The following KCNN2 variants were observed in gnomAD, a reference collection of about 807,000 sequenced individuals.
KCNN2 encodes potassium calcium-activated channel subfamily N member 2.
A neutral mutation model predicts 55.5 loss-of-function variants in KCNN2; 24 were observed. The ratio of observed to expected loss-of-function variants is 0.43; its 90% CI spans 0.31 to 0.61. The LOEUF is 0.61. Ranked by LOEUF, KCNN2 falls within the 20% of genes least tolerant of loss-of-function variation. The pLI is 0.08. For missense variants in KCNN2, 754 were observed against 853.6 expected, an observed-to-expected ratio of 0.88 and a Z score of 1.45; for synonymous variants, 431 against 336.1, an observed-to-expected ratio of 1.28 and a Z score of -3.09.
chr5:114,143,579 C>A (rs1444599611), intron 1 of KCNN2, among the ~76,000 whole-genome samples: 2 of 152,160 alleles, frequency 1.3e-5, no homozygotes, highest in East Asian at 3.9e-4. Flanking sequence ...ACAAGGGTCG[C>A]ATTCCATACC....
chr5:114,429,277 A>G (rs928626622), intron 3 of KCNN2, among the ~76,000 whole-genome samples: 9 of 152,106 alleles, frequency 5.9e-5, no homozygotes, highest in African/African-American at 2.2e-4. Flanking sequence ...ATACAATGAG[A>G]TACCACTATG....
At chr5:114,219,789 C>T (rs941246684) in intron 1 of KCNN2, among the ~76,000 whole-genome samples, 4 of 152,112 alleles carry the variant, frequency 2.6e-5, no homozygotes, top group African/African-American at 9.7e-5. Flanking sequence ...TTGTCCCTAT[C>T]ACCTTCCTAT....
chr5:114,278,012 G>C (rs1755528573), intron 2 of KCNN2, among the ~76,000 whole-genome samples: 2 of 152,196 alleles, frequency 1.3e-5, no homozygotes, highest in African/African-American at 2.4e-5. Context: ...GTGACCTATG[G>C]ATGGGCTTTT....
chr5:114,415,936 T>TAC (rs1413129037), intron 3 of KCNN2, among the ~76,000 whole-genome samples: 5 of 152,116 alleles, frequency 3.3e-5, no homozygotes, highest in African/African-American at 1.2e-4. Context: ...AAAAGCCAGC[T>TAC]ACACACACAC....
At chr5:114,178,741 A>G (rs1753183327) in intron 1 of KCNN2, among the ~76,000 whole-genome samples, 1 of 152,192 alleles carries the variant, frequency 6.6e-6, no homozygotes. Context: ...ATCTCACTCT[A>G]AAATTAAGGT....
intron 2 of KCNN2, among the ~76,000 whole-genome samples, chr5:114,319,237 A>T (rs912398952): frequency 6.6e-6 from 1 of 152,120 alleles, no homozygotes; most frequent in Non-Finnish European, 1.5e-5. Context: ...TTATCTGCAC[A>T]CTGAGGTTCT....
chr5:114,182,743 T>G (rs1753263832), intron 1 of KCNN2, among the ~76,000 whole-genome samples: 1 of 152,138 alleles, frequency 6.6e-6, no homozygotes, highest in African/African-American at 2.4e-5. Flanking sequence ...ATTTGCTAAA[T>G]TCATCAATTG....
At chr5:114,307,513 A>T (rs1756308546) in intron 2 of KCNN2, among the ~76,000 whole-genome samples, 1 of 152,118 alleles carries the variant, frequency 6.6e-6, no homozygotes, top group Non-Finnish European at 1.5e-5. Context: ...CTAGAATCAT[A>T]GCCTCATTGA....
intron 2 of KCNN2, among the ~76,000 whole-genome samples, chr5:114,282,269 T>C (rs1580690913): frequency 6.6e-6 from 1 of 152,124 alleles, no homozygotes; most frequent in Admixed American, 6.5e-5. Flanking sequence ...ATTTTTACTT[T>C]GGTTGAATTA....
chr5:114,197,316 G>A (rs1753577976), intron 1 of KCNN2, among the ~76,000 whole-genome samples: 1 of 152,108 alleles, frequency 6.6e-6, no homozygotes, highest in Non-Finnish European at 1.5e-5. Context: ...TTAATGGGAT[G>A]TTCTAGACAT....
chr5:114,363,285 C>T (rs765335464), intron 1 of KCNN2, 24 bp downstream of exon 1: 5 of 1,562,068 alleles, frequency 3.2e-6, no homozygotes, highest in Non-Finnish European at 3.5e-6. Context: ...CCCCAGCCCA[C>T]GCTACCGGAG....
intron 2 of KCNN2, among the ~76,000 whole-genome samples, chr5:114,285,281 T>TG (rs1755717222): frequency 4.8e-5 from 2 of 41,332 alleles, no homozygotes. Context: ...AGACTCCATC[T>TG]CCAAAAAAAA....
chr5:114,087,877 C>A (rs188547629), intron 1 of KCNN2, among the ~76,000 whole-genome samples: 363 of 152,108 alleles, frequency 2.4e-3, no homozygotes, highest in Non-Finnish European at 3.8e-3. Context: ...AAGAACCATA[C>A]AAGAATATAT....
chr5:114,209,466 A>G (rs1020669914), intron 1 of KCNN2, among the ~76,000 whole-genome samples: 1 of 152,142 alleles, frequency 6.6e-6, no homozygotes, highest in African/African-American at 2.4e-5. Flanking sequence ...CCAGGAAAAT[A>G]AAATTTGGAT....
intron 2 of KCNN2, among the ~76,000 whole-genome samples, chr5:114,234,738 T>C (rs1301959838): frequency 6.6e-6 from 1 of 152,080 alleles, no homozygotes; most frequent in Non-Finnish European, 1.5e-5. Flanking sequence ...TTCTGCTTAC[T>C]CTCGGGGAAA....
intron 4 of KCNN2, among the ~76,000 whole-genome samples, chr5:114,465,316 A>G (rs1761390275): frequency 6.6e-6 from 1 of 152,164 alleles, no homozygotes; most frequent in South Asian, 2.1e-4. Flanking sequence ...ACTTTGCTTA[A>G]AAAAGAGAGG....
intron 4 of KCNN2, among the ~76,000 whole-genome samples, chr5:114,471,974 T>C (rs1177573179): frequency 1.3e-5 from 2 of 152,220 alleles, no homozygotes; most frequent in African/African-American, 2.4e-5. Context: ...TCTGTGCCTC[T>C]GTCTAGCGGA....
chr5:114,394,460 G>A (rs1311972999), intron 2 of KCNN2, among the ~76,000 whole-genome samples: 2 of 152,094 alleles, frequency 1.3e-5, no homozygotes, highest in African/African-American at 4.8e-5. Flanking sequence ...TGTAGTTTTA[G>A]TTAATTGCAG....
chr5:114,169,987 C>T (rs112490186), intron 1 of KCNN2, among the ~76,000 whole-genome samples: 1 of 152,052 alleles, frequency 6.6e-6, no homozygotes, highest in Non-Finnish European at 1.5e-5. Flanking sequence ...GTTTGATGCA[C>T]ACCTTCCTGC....
Sources: allele counts gnomAD v4.1 joint callset (sites outside exome capture counted in the v4.1 genomes callset), GRCh38; gene constraint gnomAD v4.1.1; transcripts MANE v1.5; gene names NCBI Gene and HGNC (gene_info 2026-07-23, HGNC 2026-07-21).